FGGY: variants seen among roughly 807,000 people sequenced by gnomAD.
The protein encoded by FGGY is FGGY carbohydrate kinase domain-containing protein.
In FGGY, 72 loss-of-function variants were observed where a neutral mutation model predicts 71.3. The observed-to-expected ratio is 1.01, with a 90% CI of 0.84 to 1.23. FGGY has a LOEUF of 1.23. Ranked by LOEUF, FGGY falls within the 50% of genes most tolerant of loss-of-function variation. FGGY has a pLI of 0.00. For missense variants in FGGY, 668 were observed against 682.3 expected (o/e 0.98, Z 0.23); for synonymous variants, 251 against 250.3 (o/e 1.00, Z -0.02).
At chr1:59,743,880 C>A (rs1573948446) in intron 14 of FGGY, among the ~76,000 whole-genome samples, 1 of 152,330 alleles carries the variant, frequency 6.6e-6, no homozygotes, top group East Asian at 1.9e-4. Context: ...TAACCACAGG[C>A]ATCAGCTGAT....
intron 6 of FGGY, among the ~76,000 whole-genome samples, chr1:59,503,631 A>T (rs1461395983): frequency 6.9e-6 from 1 of 145,976 alleles, no homozygotes; most frequent in East Asian, 2.0e-4. Flanking sequence ...AATATGTATT[A>T]TATATATAAT....
intron 8 of FGGY, among the ~76,000 whole-genome samples, chr1:59,574,093 G>A (rs774024260): frequency 1.1e-4 from 17 of 152,138 alleles, no homozygotes; most frequent in Non-Finnish European, 2.2e-4. Flanking sequence ...TACACTTGGT[G>A]GCTTAAAACA....
chr1:59,607,084 A>G (rs1268829965), intron 8 of FGGY, among the ~76,000 whole-genome samples: 1 of 152,248 alleles, frequency 6.6e-6, no homozygotes, highest in East Asian at 1.9e-4. Flanking sequence ...AACCTTAGTG[A>G]CAAACAACAG....
At chr1:59,572,163 C>G (rs1026856354) in intron 8 of FGGY, among the ~76,000 whole-genome samples, 2 of 152,038 alleles carry the variant, frequency 1.3e-5, no homozygotes, top group African/African-American at 4.8e-5. Flanking sequence ...AGCAGAGAAG[C>G]TATCAGAACA....
Position 59,433,190 on chromosome 1 carries a change from G to A in FGGY, c.555-23771G>A, listed in dbSNP as rs183864948. On this transcript the variant is annotated intron_variant, in intron 5 of 15. Coordinates refer to ENST00000303721, the MANE Select transcript of FGGY (RefSeq NM_018291.5). ...CCCATTGTGCATGACAGGATGTGTG[G>A]CACCATCCCTGACTTCTACCCACTA... Among the ~76,000 whole-genome samples the A allele has an allele frequency of 3.6e-3, 549 of 152,194 alleles. 3 individuals are homozygous for A. The highest frequency in any genetic ancestry group is 0.012 in the African/African-American group (518 of 41,502).
intron 7 of FGGY, among the ~76,000 whole-genome samples, chr1:59,537,907 T>A (rs1321445646): frequency 6.6e-6 from 1 of 152,182 alleles, no homozygotes; most frequent in South Asian, 2.1e-4. Flanking sequence ...GAGGAAAACC[T>A]AGGCATTACC....
chr1:59,661,187 T>C (rs1159183241), intron 12 of FGGY, among the ~76,000 whole-genome samples: 1 of 152,260 alleles, frequency 6.6e-6, no homozygotes, highest in Non-Finnish European at 1.5e-5. Flanking sequence ...TCAATTATTC[T>C]GTTTCTTCAC....
intron 15 of FGGY, among the ~76,000 whole-genome samples, chr1:59,762,151 C>T (rs931887580): frequency 2.8e-4 from 42 of 149,448 alleles, no homozygotes; most frequent in Non-Finnish European, 4.5e-4. Context: ...TCACAGTGAA[C>T]GGGGGACGGT....
intron 1 of FGGY, among the ~76,000 whole-genome samples, chr1:59,312,641 G>T (rs1477427835): frequency 6.6e-6 from 1 of 152,192 alleles, no homozygotes; most frequent in Non-Finnish European, 1.5e-5. Context: ...GGAGTTTGGG[G>T]ATGTCATTTG....
intron 8 of FGGY, 133 bp downstream of exon 8, chr1:59,554,360 C>A (rs2095652869): frequency 3.3e-6 from 2 of 604,716 alleles, no homozygotes; most frequent in Non-Finnish European, 2.8e-6. Context: ...CTTTGTCTAG[C>A]CAGAAGCCCA....
chr1:59,530,973 A>G (rs1341898597), intron 7 of FGGY, among the ~76,000 whole-genome samples: 1 of 152,222 alleles, frequency 6.6e-6, no homozygotes, highest in African/African-American at 2.4e-5. Context: ...ACGCAGTTCC[A>G]AGGCAGTATC....
At chr1:59,317,984 G>A (rs1192187039) in intron 1 of FGGY, among the ~76,000 whole-genome samples, 1 of 152,190 alleles carries the variant, frequency 6.6e-6, no homozygotes, top group Non-Finnish European at 1.5e-5. Flanking sequence ...CTTAGGCACA[G>A]CAGGCAGAGG....
At chr1:59,322,224 A>T (rs2046517084) in intron 2 of FGGY, among the ~76,000 whole-genome samples, 1 of 152,030 alleles carries the variant, frequency 6.6e-6, no homozygotes, top group African/African-American at 2.4e-5. Flanking sequence ...AAGTTCACAC[A>T]GTAAGTAGCA....
intron 6 of FGGY, among the ~76,000 whole-genome samples, chr1:59,463,529 A>C (rs2092403351): frequency 6.6e-6 from 1 of 152,212 alleles, no homozygotes. Context: ...CTTAAATTTA[A>C]ATGGGCTAAA....
chr1:59,646,584 G>C (rs1192263370), intron 11 of FGGY, among the ~76,000 whole-genome samples: 2 of 150,820 alleles, frequency 1.3e-5, no homozygotes, highest in Non-Finnish European at 2.9e-5. Context: ...ATATTTTACT[G>C]AAGTGACTAA....
intron 4 of FGGY, among the ~76,000 whole-genome samples, chr1:59,359,724 G>A (rs560519859): frequency 6.6e-6 from 1 of 152,252 alleles, no homozygotes; most frequent in Admixed American, 6.5e-5. Context: ...AAACTTCAGA[G>A]TGTTTAGTAA....
chr1:59,587,026 GT>G (rs1308676389), intron 8 of FGGY, among the ~76,000 whole-genome samples: 1 of 152,120 alleles, frequency 6.6e-6, no homozygotes, highest in East Asian at 1.9e-4. Flanking sequence ...GGGTCAGGGA[GT>G]TCCCTTTCCT....
At chr1:59,697,095 A>G (rs1398192192) in intron 14 of FGGY, among the ~76,000 whole-genome samples, 3 of 152,238 alleles carry the variant, frequency 2.0e-5, no homozygotes, top group African/African-American at 2.4e-5. Context: ...GTTGAAGGTC[A>G]TGCTTCATAT....
At chr1:59,360,842 G>T (rs1043149851) in intron 4 of FGGY, among the ~76,000 whole-genome samples, 24 of 152,068 alleles carry the variant, frequency 1.6e-4, no homozygotes, top group Admixed American at 1.5e-3. Flanking sequence ...TTGGGGAGAG[G>T]GTATTATTCC....
Sources: allele counts gnomAD v4.1 joint callset (sites outside exome capture counted in the v4.1 genomes callset), GRCh38; gene constraint gnomAD v4.1.1; transcripts MANE v1.5; gene names NCBI Gene and HGNC (gene_info 2026-07-23, HGNC 2026-07-21).